The following PDE3B variants were observed in gnomAD, a reference collection of about 807,000 sequenced individuals.
PDE3B encodes the protein phosphodiesterase 3B.
A neutral mutation model predicts 116.8 loss-of-function variants in PDE3B; 66 were observed. The ratio of observed to expected loss-of-function variants is 0.56; its 90% CI spans 0.46 to 0.69. PDE3B has a LOEUF of 0.69. Ranked by LOEUF, PDE3B falls within the 30% of genes least tolerant of loss-of-function variation. The probability of loss-of-function intolerance (pLI) is 0.00; values close to 1 mark genes in which losing one functional copy is unlikely to be tolerated. For synonymous variants in PDE3B, 595 were observed against 533.6 expected, an observed-to-expected ratio of 1.12 and a Z score of -1.59; for missense variants, 1,384 against 1,368.1, an observed-to-expected ratio of 1.01 and a Z score of -0.18.
intron 1 of PDE3B, among the ~76,000 whole-genome samples, chr11:14,664,529 TA>T (rs1565080037): frequency 1.3e-5 from 2 of 150,906 alleles, no homozygotes; most frequent in Non-Finnish European, 3.0e-5. Flanking sequence ...ACAAGACTAA[TA>T]AAGAAGAAAA....
intron 1 of PDE3B, among the ~76,000 whole-genome samples, chr11:14,744,058 C>G (rs1207816503): frequency 3.3e-5 from 5 of 152,182 alleles, no homozygotes; most frequent in African/African-American, 9.6e-5. Flanking sequence ...GTTGAGTGTT[C>G]TTAGCACCTT....
intron 1 of PDE3B, among the ~76,000 whole-genome samples, chr11:14,657,028 A>T (rs1287908335): frequency 6.6e-6 from 1 of 152,186 alleles, no homozygotes; most frequent in Non-Finnish European, 1.5e-5. Context: ...AAAGTGATTA[A>T]AAGGGGGGTA....
At chr11:14,691,085 T>G (rs1855029615) in intron 1 of PDE3B, among the ~76,000 whole-genome samples, 1 of 151,996 alleles carries the variant, frequency 6.6e-6, no homozygotes, top group Non-Finnish European at 1.5e-5. Flanking sequence ...GGAAATGAGG[T>G]CAAGACATAG....
intron 1 of PDE3B, among the ~76,000 whole-genome samples, chr11:14,660,409 C>T (rs1455168051): frequency 6.6e-6 from 1 of 151,756 alleles, no homozygotes; most frequent in African/African-American, 2.4e-5. Flanking sequence ...TCAAGCGATC[C>T]TCCCACTTCA....
At chr11:14,782,554 C>T (rs997397805) in intron 2 of PDE3B, among the ~76,000 whole-genome samples, 12 of 152,144 alleles carry the variant, frequency 7.9e-5, no homozygotes, top group African/African-American at 2.9e-4. Flanking sequence ...ACTGGCTAGC[C>T]ATATGTAGAA....
chr11:14,885,934 AAAAC>A, the PDE3B span: 1 of 1,612,024 alleles, frequency 6.2e-7, no homozygotes, highest in Non-Finnish European at 8.5e-7. Context: ...GAAGAGAAGA[AAAAC>A]AACATTTAAA....
At chr11:14,705,524 T>C (rs1220694717) in intron 1 of PDE3B, among the ~76,000 whole-genome samples, 2 of 151,838 alleles carry the variant, frequency 1.3e-5, no homozygotes, top group East Asian at 3.8e-4. Flanking sequence ...AGGTATCTTT[T>C]GTTGGTGATG....
At chr11:14,763,676 C>G (rs1489495555) in intron 1 of PDE3B, among the ~76,000 whole-genome samples, 1 of 152,034 alleles carries the variant, frequency 6.6e-6, no homozygotes, top group Non-Finnish European at 1.5e-5. Flanking sequence ...GGCTGGAGCA[C>G]AGACAGTTCA....
At chr11:14,658,471 TCACCC>T in intron 1 of PDE3B, among the ~76,000 whole-genome samples, 1 of 152,182 alleles carries the variant, frequency 6.6e-6, no homozygotes, top group Non-Finnish European at 1.5e-5. Flanking sequence ...TTCTCCTGCC[TCACCC>T]TCCCAAGTAG....
Position 14,818,185 on chromosome 11 carries a change from GT to G in PDE3B, c.1529del (p.Leu510CysfsTer4). ...THHVGLRRAG[V>X]LSSLSPVNSS... The stretch of plus-strand genomic sequence containing the variant: ...CTCCTTTCTTTTAATTTTTAAAGGT[GT>G]TTTGTCCAGTCTGAGTCCTGTGAAT... On this transcript the variant is annotated frameshift_variant, in exon 6 of 16. Coordinates refer to ENST00000282096, the MANE Select transcript of PDE3B (RefSeq NM_000922.4). LOFTEE classifies it high-confidence loss of function. 1 of 1,601,696 alleles carries G rather than the reference GT, an allele frequency of 6.2e-7. No homozygotes were observed. The highest frequency in any genetic ancestry group is 8.6e-7 in the Non-Finnish European group (1 of 1,169,122).
chr11:14,718,738 A>G (rs1855998690), intron 1 of PDE3B, among the ~76,000 whole-genome samples: 1 of 149,938 alleles, frequency 6.7e-6, no homozygotes, highest in Admixed American at 6.6e-5. Context: ...ACAAACACAC[A>G]ACATACCAGA....
chr11:14,835,039 G>A lies in PDE3B; in HGVS notation c.2264G>A (p.Arg755Gln), dbSNP rs1414367526. Residue 755 changes from arginine (R) to glutamine (Q), a missense_variant, in exon 11 of 16, where the codon CGG (arginine) becomes CAG (glutamine). Physicochemically the swap from Arg to Gln is conservative, Grantham distance 43. Transcript: ENST00000282096. The stretch of plus-strand genomic sequence containing the variant: ...CATGCAGTTTGGTATCTGACAACAC[G>A]GCCAGTTCCTGGCTTACAGCAGATC... ...VLHAVWYLTT[R>Q]PVPGLQQIHN... 3 of 1,613,266 alleles carry A rather than the reference G, an allele frequency of 1.9e-6. No individual in the cohort carries two copies. Among genetic ancestry groups the A allele is most frequent in the African/African-American group, 2.7e-5 (2 of 75,028 alleles).
chr11:14,764,151 G>A (rs1857433312), intron 1 of PDE3B, among the ~76,000 whole-genome samples: 1 of 152,090 alleles, frequency 6.6e-6, no homozygotes, highest in African/African-American at 2.4e-5. Flanking sequence ...ATTGCCAAAG[G>A]TATGAAGGAA....
At chr11:14,848,937 A>G (rs1332981486) in intron 12 of PDE3B, among the ~76,000 whole-genome samples, 2 of 152,228 alleles carry the variant, frequency 1.3e-5, no homozygotes, top group African/African-American at 2.4e-5. Context: ...ATTCAATGCC[A>G]TCCCCATCAA....
In PDE3B at chr11:14,725,325, TTCTTTTTC is replaced by T. The variant is rs1205446404; in HGVS notation, c.979-46610_979-46603del. Among the ~76,000 whole-genome samples the T allele has an allele frequency of 2.5e-4, 37 of 150,914 alleles. 1 individual carries two copies. Among genetic ancestry groups the T allele is most frequent in the East Asian group, 1.2e-3 (6 of 5,160 alleles). ...TCTTTCTTTCTCTTTCTTTCTTTCT[TTCTTTTTC>T]TTTCTTTCTTTCTTTCTTCTTTCTC... On this transcript the variant is annotated intron_variant, in intron 1 of 15. Coordinates refer to ENST00000282096, the MANE Select transcript of PDE3B (RefSeq NM_000922.4).
intron 1 of PDE3B, 37 bp from the exon 2 acceptor site, chr11:14,771,900 A>T (rs934926747): frequency 1.0e-6 from 1 of 990,602 alleles, no homozygotes; most frequent in Admixed American, 2.9e-5. Context: ...TTTTTTGTTT[A>T]TTTTTGGTTT....
chr11:14,670,862 T>TAATG (rs1163768253), intron 1 of PDE3B, among the ~76,000 whole-genome samples: 2 of 152,094 alleles, frequency 1.3e-5, no homozygotes, highest in Non-Finnish European at 2.9e-5. Context: ...TATCTTTGTT[T>TAATG]AATGATACGT....
intron 1 of PDE3B, among the ~76,000 whole-genome samples, chr11:14,713,238 G>C (rs1209389086): frequency 6.6e-6 from 1 of 152,158 alleles, no homozygotes; most frequent in Non-Finnish European, 1.5e-5. Context: ...CTTGTGCTGA[G>C]TATCAACTAA....
intron 12 of PDE3B, among the ~76,000 whole-genome samples, chr11:14,850,981 A>AT (rs143254814): frequency 0.16 from 16,043 of 103,332 alleles, 1,353 homozygotes; most frequent in African/African-American, 0.21. Context: ...ACACCCAGCT[A>AT]TTTTTTTTTT....
Sources: gnomAD v4.1 joint callset for allele counts (sites outside exome capture counted in the v4.1 genomes callset) on GRCh38, gnomAD v4.1.1 for gene constraint, MANE v1.5 for transcripts, NCBI Gene and HGNC (gene_info 2026-07-23, HGNC 2026-07-21) for gene names.